The following ADAMTS10 variants were observed in gnomAD, a reference collection of about 807,000 sequenced individuals.
ADAMTS10 encodes the protein ADAM metallopeptidase with thrombospondin type 1 motif 10.
In ADAMTS10, 48 loss-of-function variants were observed where a neutral mutation model predicts 135.9. The observed-to-expected ratio is 0.35, with a 90% CI of 0.28 to 0.45. The LOEUF (loss-of-function observed/expected upper bound fraction) is 0.45. Among genes scored for constraint, ADAMTS10 ranks in the 20% least tolerant of loss-of-function variants. ADAMTS10 has a pLI of 1.00. For missense variants in ADAMTS10, 1,131 were observed against 1,565.2 expected (o/e 0.72, Z 4.68); for synonymous variants, 621 against 647.5 (o/e 0.96, Z 0.62).
chr19:8,592,132 G>T (rs782123093), intron 13 of ADAMTS10, 29 bp from the exon 14 acceptor site: 5 of 1,613,312 alleles, frequency 3.1e-6, no homozygotes, highest in Non-Finnish European at 4.2e-6. Flanking sequence ...GAAGGAGTGA[G>T]TCCAGCCCGG....
chr19:8,605,460 C>A lies in ADAMTS10; in HGVS notation c.89-102G>T. ...AGCAAGTGATGCTGGCCTCACTGAC[C>A]CCCGAAATCCAGGGAGTTGGCTGCA... On this transcript the variant is annotated intron_variant, in intron 3 of 25. Transcript: ENST00000597188. This position sits in a 1 kb window ranked among gnomAD's most constrained non-coding sequence, Gnocchi z 7.7. The A allele has an allele frequency of 6.8e-7, 1 of 1,469,680 alleles. No homozygotes were observed. The highest frequency in any genetic ancestry group is 9.3e-7 in the Non-Finnish European group (1 of 1,080,910). The allele number at this position is 1,469,680 out of a possible 1,614,324, so 91.0% of individuals were successfully genotyped here.
intron 18 of ADAMTS10, 141 bp from the exon 19 acceptor site, chr19:8,587,037 G>T: frequency 1.1e-6 from 1 of 910,246 alleles, no homozygotes. Context: ...CCACCCTTGT[G>T]AACCAGGTGT....
At chr19:8,597,180 C>T (rs148853589) in intron 7 of ADAMTS10, 48 bp from the exon 8 acceptor site, 138 of 1,613,936 alleles carry the variant, frequency 8.6e-5, no homozygotes, top group African/African-American at 5.2e-4. Context: ...ACCCAGGGGA[C>T]GGCAGGACAT....
intron 13 of ADAMTS10, 152 bp downstream of exon 13, chr19:8,592,611 A>G (rs1600106143): frequency 2.6e-6 from 2 of 778,494 alleles, no homozygotes; most frequent in Non-Finnish European, 4.2e-6. Context: ...AGCAAGCAGT[A>G]GGCGTGGCCA....
Position 8,580,555 on chromosome 19 carries a change from T to G in ADAMTS10, c.*338A>C. 1 of 316,706 alleles carries G rather than the reference T, an allele frequency of 3.2e-6. No individual in the cohort carries two copies. Among genetic ancestry groups the G allele is most frequent in the Non-Finnish European group, 6.2e-6 (1 of 160,154 alleles). The allele number at this position is 316,706 out of a possible 1,614,324, so 19.6% of individuals were successfully genotyped here. ...CCCCACCCCTACTCTTCACAGTACA[T>G]ATTCCGATCAAAGGAGGGGGGGAGT... On this transcript the variant is annotated 3_prime_UTR_variant, in exon 26 of 26. Transcript: ENST00000597188.
chr19:8,588,985 T>C (rs1399250890), intron 18 of ADAMTS10, among the ~76,000 whole-genome samples: 2 of 152,064 alleles, frequency 1.3e-5, no homozygotes, highest in African/African-American at 4.8e-5. Flanking sequence ...AGAAACAGGG[T>C]TTCACCATGT....
intron 25 of ADAMTS10, among the ~76,000 whole-genome samples, chr19:8,583,747 G>A (rs895639992): frequency 6.6e-6 from 1 of 151,972 alleles, no homozygotes; most frequent in South Asian, 2.1e-4. Context: ...TCCTTGGGGA[G>A]ACTTGGGGCT....
Position 8,601,146 on chromosome 19 carries a change from C to T in ADAMTS10, c.593-1G>A, listed in dbSNP as rs781957015. ...GGCCGCCCTTTCCACGGTTTCTCAT[C>T]TGGGGAACCCAGTAGAGCAATTAAG... On this transcript the variant is annotated splice_acceptor_variant, in intron 5 of 25. Transcript: ENST00000597188. LOFTEE classifies it high-confidence loss of function. The surrounding 1 kb of genome is among the most constrained non-coding windows in gnomAD (Gnocchi z 4.6). 1.9e-6 allele frequency: 3 copies of T among 1,613,056 alleles called. No homozygotes were observed. The highest frequency in any genetic ancestry group is 2.5e-6 in the Non-Finnish European group (3 of 1,180,008).
intron 21 of ADAMTS10, 38 bp downstream of exon 21, chr19:8,586,306 C>G: frequency 6.2e-7 from 1 of 1,613,432 alleles, no homozygotes; most frequent in South Asian, 1.1e-5. Flanking sequence ...AGAACCTCAG[C>G]CCAGGTATCT....
At position 8,592,778 on chromosome 19, in the gene ADAMTS10, G is replaced by A. The variant is rs1555739404; in HGVS notation, c.1572C>T (p.His524=). The A allele has an allele frequency of 1.2e-6, 2 of 1,612,326 alleles. No homozygotes were observed. Among genetic ancestry groups the A allele is most frequent in the Admixed American group, 3.3e-5 (2 of 59,992 alleles). ...CGGCGCTCACCCCCTTGTCGATGGT[G>A]TGCGTCTGGCACAGCGTGCCCTCGG... The part of the protein sequence containing the change: ...PAAEGTLCQT[H]TIDKGWCYKR... The change falls in exon 13 of 26, where the codon CAC becomes CAT. Residue 524 remains histidine, a synonymous_variant. Transcript: ENST00000597188.
chr19:8,586,899 G>T lies in ADAMTS10; in HGVS notation c.2159-3C>A. 1.2e-6 allele frequency: 2 copies of T among 1,614,114 alleles called. No homozygotes were observed. Among genetic ancestry groups the T allele is most frequent in the South Asian group, 2.2e-5 (2 of 91,032 alleles). On this transcript the variant is annotated splice_region_variant and splice_polypyrimidine_tract_variant and intron_variant, in intron 18 of 25. Coordinates refer to ENST00000597188, the MANE Select transcript of ADAMTS10 (RefSeq NM_030957.4). Reference sequence around the variant, plus strand: ...AATCCAGACGACATCCTCGTACCCTGAACAGCAGAGCTCAGATGTCACCCA... The same window carrying T: ...AATCCAGACGACATCCTCGTACCCTTAACAGCAGAGCTCAGATGTCACCCA...
chr19:8,592,595 G>A (rs1282364973), intron 13 of ADAMTS10, among the ~76,000 whole-genome samples, 168 bp downstream of exon 13: 2 of 151,812 alleles, frequency 1.3e-5, no homozygotes, highest in East Asian at 1.9e-4. Flanking sequence ...GGCCAACGCG[G>A]GAAGGAGCAA....
At position 8,592,742 on chromosome 19, in the gene ADAMTS10, GGGGCCCT is replaced by G; in HGVS notation, c.1587+14_1587+20del. On this transcript the variant is annotated intron_variant, in intron 13 of 25. Coordinates refer to ENST00000597188, the MANE Select transcript of ADAMTS10 (RefSeq NM_030957.4). The stretch of plus-strand genomic sequence containing the variant: ...TGGCTCAGGGGGCGTGGCCCAGTTG[GGGGCCCT>G]GGCCGGCGCTCACCCCCTTGTCGAT... 2 of 1,601,558 alleles carry G rather than the reference GGGGCCCT, an allele frequency of 1.2e-6. No individual in the cohort carries two copies. The highest frequency in any genetic ancestry group is 1.7e-6 in the Non-Finnish European group (2 of 1,176,958).
intron 18 of ADAMTS10, among the ~76,000 whole-genome samples, chr19:8,587,630 G>A (rs567866592): frequency 1.3e-5 from 2 of 151,662 alleles, no homozygotes; most frequent in East Asian, 2.0e-4. Context: ...CACCACACCC[G>A]CCTAATTAAA....
At chr19:8,583,330 C>T (rs1219155741) in intron 25 of ADAMTS10, among the ~76,000 whole-genome samples, 3 of 151,332 alleles carry the variant, frequency 2.0e-5, no homozygotes, top group African/African-American at 7.3e-5. Context: ...CACCTGAGGT[C>T]AGGAATTCGA....
rs1379055170 is a variant in ADAMTS10, at chr19:8,580,810, C to A, written c.*83G>T. The A allele has an allele frequency of 7.9e-6, 9 of 1,144,854 alleles. No homozygotes were observed. Among genetic ancestry groups the A allele is most frequent in the Non-Finnish European group, 1.1e-5 (9 of 795,226 alleles). The allele number at this position is 1,144,854 out of a possible 1,614,324, so 70.9% of individuals were successfully genotyped here. A position where few individuals can be genotyped will look rare whatever the true frequency, so the allele number is the denominator to read the frequency against. ...TCACCCTTCCCTCCCAGTTCCCGCC[C>A]CCCCGGGGCCCCCTCTGGCCGGCCC... On this transcript the variant is annotated 3_prime_UTR_variant, in exon 26 of 26. Transcript: ENST00000597188.
intron 2 of ADAMTS10, among the ~76,000 whole-genome samples, chr19:8,607,368 T>G (rs1555742766): frequency 6.6e-6 from 1 of 152,178 alleles, no homozygotes; most frequent in African/African-American, 2.4e-5. Context: ...CCTGTGTTTC[T>G]GACCCCGTCC....
At chr19:8,595,972 A>G (rs2042598847) in intron 11 of ADAMTS10, 69 bp from the exon 12 acceptor site, 1 of 1,613,800 alleles carries the variant, frequency 6.2e-7, no homozygotes, top group Non-Finnish European at 8.5e-7. Flanking sequence ...CCTCAGCTGG[A>G]TGGGGGTCCC....
chr19:8,602,702 T>C (rs2042680331), intron 5 of ADAMTS10, among the ~76,000 whole-genome samples: 1 of 152,092 alleles, frequency 6.6e-6, no homozygotes, highest in Non-Finnish European at 1.5e-5. Context: ...CAAGGCTCAT[T>C]GGAGCCTCAA....
Sources: allele counts gnomAD v4.1 joint callset (sites outside exome capture counted in the v4.1 genomes callset), GRCh38; gene constraint gnomAD v4.1.1; non-coding constraint Gnocchi (gnomAD v3.1); transcripts MANE v1.5; gene names NCBI Gene and HGNC (gene_info 2026-07-23, HGNC 2026-07-21).